ITGA4: variants seen among roughly 807,000 people sequenced by gnomAD.
ITGA4 encodes integrin alpha-4.
A neutral mutation model predicts 133.6 loss-of-function variants in ITGA4; 63 were observed. The ratio of observed to expected loss-of-function variants is 0.47; its 90% CI spans 0.38 to 0.58. The LOEUF (loss-of-function observed/expected upper bound fraction) is 0.58, where lower values mean the gene tolerates loss of function less well. Among genes scored for constraint, ITGA4 ranks in the 20% least tolerant of loss-of-function variants. The pLI, the probability that ITGA4 is intolerant of heterozygous loss-of-function variation, is 0.00. For synonymous variants in ITGA4, 483 were observed against 438.0 expected, an observed-to-expected ratio of 1.10 and a Z score of -1.28; for missense variants, 1,076 against 1,252.7, an observed-to-expected ratio of 0.86 and a Z score of 2.13.
intron 2 of ITGA4, among the ~76,000 whole-genome samples, chr2:181,463,982 C>G (rs960548815): frequency 6.6e-6 from 1 of 152,098 alleles, no homozygotes; most frequent in African/African-American, 2.4e-5. Flanking sequence ...CCATCTCAAA[C>G]TACTAGAATC....
rs1686506454 is a variant in ITGA4 at position 181,511,597 on chromosome 2, TTTTA to T, written c.1846-98_1846-95del. On this transcript the variant is annotated intron_variant, in intron 16 of 27. Coordinates refer to ENST00000397033, the MANE Select transcript of ITGA4 (RefSeq NM_000885.6). ...AAGAGTTGTCAATTTGATGTATCAA[TTTTA>T]TTTTTCTCATGCATCACAGGTGTCG... is the stretch of plus-strand genomic sequence containing the variant. 9 of 618,762 alleles carry T rather than the reference TTTTA, an allele frequency of 1.5e-5. No individual in the cohort carries two copies. The South Asian group carries it at 1.8e-4, about 12-fold the overall frequency. The allele number at this position is 618,762 out of a possible 1,614,324, so 38.3% of individuals were successfully genotyped here.
At position 181,527,358 on chromosome 2, in the gene ITGA4, A is replaced by G. The variant is rs762554889; in HGVS notation, c.2401A>G (p.Met801Val). 26 of 1,612,370 alleles carry G rather than the reference A, an allele frequency of 1.6e-5. No homozygotes were observed. The highest frequency in any genetic ancestry group is 2.1e-5 in the Non-Finnish European group (25 of 1,178,640). ...SNDENEPETC[M>V]VEKMNLTFHV... ...TGATGAAAATGAGCCTGAAACGTGC[A>G]TGGTGGAGAAAATGAACTTAACTTT... Residue 801 changes from methionine to valine, a missense_variant, in exon 22 of 28, where the codon ATG (methionine) becomes GTG (valine). Coordinates refer to ENST00000397033, the MANE Select transcript of ITGA4 (RefSeq NM_000885.6).
At chr2:181,520,635 T>G (rs1012363707) in intron 17 of ITGA4, among the ~76,000 whole-genome samples, 2 of 152,134 alleles carry the variant, frequency 1.3e-5, no homozygotes, top group Non-Finnish European at 2.9e-5. Context: ...GGCAGCCAAT[T>G]TAACCATAGT....
At chr2:181,518,514 G>A (rs1000526852) in intron 17 of ITGA4, among the ~76,000 whole-genome samples, 9 of 151,996 alleles carry the variant, frequency 5.9e-5, no homozygotes, top group Non-Finnish European at 1.3e-4. Context: ...ATTAAATATG[G>A]TAATATGTTA....
At position 181,483,361 on chromosome 2, in the gene ITGA4, A is replaced by C. The variant is rs539463638; in HGVS notation, c.1041+710A>C. On this transcript the variant is annotated intron_variant, in intron 9 of 27. Coordinates refer to ENST00000397033, the MANE Select transcript of ITGA4 (RefSeq NM_000885.6). Reference sequence around the variant, plus strand: ...CAAAACAAAAAATTGGTGGAGTCTTAATGAAATCTTCTTGGCCCGTTCTTT... The same window carrying C: ...CAAAACAAAAAATTGGTGGAGTCTTCATGAAATCTTCTTGGCCCGTTCTTT... Among the ~76,000 whole-genome samples, 50 of 152,324 alleles carry C rather than the reference A, an allele frequency of 3.3e-4. 1 individual carries two copies. In the Middle Eastern group the frequency reaches 0.014, roughly 41 times the overall value.
At chr2:181,533,059 A>ATT (rs1686978065) in intron 25 of ITGA4, among the ~76,000 whole-genome samples, 1 of 152,092 alleles carries the variant, frequency 6.6e-6, no homozygotes, top group South Asian at 2.1e-4. Context: ...AACATATTTA[A>ATT]ATTTTAAAAA....
rs753415830 is a variant in ITGA4, at chr2:181,493,457, A to G, written c.1248+38A>G. The G allele has an allele frequency of 5.6e-6, 7 of 1,254,366 alleles. No individual in the cohort carries two copies. The Middle Eastern group carries it at 5.7e-4, about 101-fold the overall frequency. 77.7% of individuals were successfully genotyped at this position (1,254,366 alleles called of 1,614,324 possible). On this transcript the variant is annotated intron_variant, in intron 11 of 27. Transcript: ENST00000397033. ...TCTATTTCCAAAAGAAGCATTGGTT[A>G]TAATGCATATCCTTAAAACTTCCAG... is the stretch of plus-strand genomic sequence containing the variant.
At chr2:181,484,779 G>C (rs1044135216) in intron 9 of ITGA4, among the ~76,000 whole-genome samples, 1 of 152,188 alleles carries the variant, frequency 6.6e-6, no homozygotes, top group African/African-American at 2.4e-5. Context: ...TACATACAAA[G>C]TGGAAGAAGT....
intron 17 of ITGA4, among the ~76,000 whole-genome samples, chr2:181,517,644 G>C (rs369665804): frequency 1.3e-5 from 2 of 152,020 alleles, no homozygotes; most frequent in East Asian, 3.9e-4. Flanking sequence ...AAGCTGGTAG[G>C]TATCTTTCTG....
Position 181,523,267 on chromosome 2 carries a change from C to G in ITGA4, c.2074-170C>G. ...ACATACATATATACACACATGCACA[C>G]ATATTTATATCATATGTCTATTTAT... On this transcript the variant is annotated intron_variant, in intron 18 of 27. Transcript: ENST00000397033. The surrounding 1 kb of genome is among the most constrained non-coding windows in gnomAD (Gnocchi z 4.2). 4 of 532,854 alleles carry G rather than the reference C, an allele frequency of 7.5e-6. No homozygotes were observed. The highest frequency in any genetic ancestry group is 1.9e-5 in the African/African-American group (1 of 52,286). 33.0% of individuals were successfully genotyped at this position (532,854 alleles called of 1,614,324 possible). A position where few individuals can be genotyped will look rare whatever the true frequency, so the allele number is the denominator to read the frequency against.
chr2:181,513,777 C>T (rs1686552868), intron 17 of ITGA4, among the ~76,000 whole-genome samples: 3 of 152,150 alleles, frequency 2.0e-5, no homozygotes, highest in Admixed American at 6.5e-5. Flanking sequence ...CTTCTTCTGC[C>T]CATCTACCTG....
Position 181,538,171 on chromosome 2 carries a change from A to G in ITGA4, c.*2644A>G. The stretch of plus-strand genomic sequence containing the variant: ...ATTCTAGTTTGTACATTTCTTTTAG[A>G]AACAATTACATGTTACTTTGGAATC... On this transcript the variant is annotated 3_prime_UTR_variant, in exon 28 of 28. Transcript: ENST00000397033. The G allele has an allele frequency of 6.5e-7, 1 of 1,527,896 alleles. No individual in the cohort carries two copies. The highest frequency in any genetic ancestry group is 1.4e-5 in the African/African-American group (1 of 73,294). 94.6% of individuals were successfully genotyped at this position (1,527,896 alleles called of 1,614,324 possible). A position where few individuals can be genotyped will look rare whatever the true frequency, so the allele number is the denominator to read the frequency against.
At chr2:181,464,473 G>A (rs1262287810) in intron 2 of ITGA4, among the ~76,000 whole-genome samples, 1 of 152,058 alleles carries the variant, frequency 6.6e-6, no homozygotes, top group African/African-American at 2.4e-5. Context: ...GAGATGATGG[G>A]AGAGACAGGT....
At chr2:181,524,325 A>G in intron 20 of ITGA4, 75 bp downstream of exon 20, 1 of 804,120 alleles carries the variant, frequency 1.2e-6, no homozygotes, top group South Asian at 1.9e-5. Flanking sequence ...GGAGAACCGT[A>G]AAACTGTGTT....
chr2:181,495,432 T>G lies in ITGA4; in HGVS notation c.1385+16T>G. ...TCTTGCTAAGGTAAGACTGATATAT[T>G]TCACTGCTTAATTGCAATTTGGTTT... On this transcript the variant is annotated intron_variant, in intron 13 of 27. Coordinates refer to ENST00000397033, the MANE Select transcript of ITGA4 (RefSeq NM_000885.6). The surrounding 1 kb of genome is among the most constrained non-coding windows in gnomAD (Gnocchi z 4.3). 1 of 1,587,256 alleles carries G rather than the reference T, an allele frequency of 6.3e-7. No homozygotes were observed. Among genetic ancestry groups the G allele is most frequent in the South Asian group, 1.1e-5 (1 of 90,478 alleles).
intron 17 of ITGA4, among the ~76,000 whole-genome samples, chr2:181,521,912 G>C (rs1559055080): frequency 6.6e-6 from 1 of 152,130 alleles, no homozygotes; most frequent in Non-Finnish European, 1.5e-5. Context: ...AGAAGCAAGA[G>C]GTTATGCAGA....
intron 4 of ITGA4, among the ~76,000 whole-genome samples, 162 bp downstream of exon 4, chr2:181,475,450 A>T (rs534155766): frequency 7.0e-4 from 106 of 152,318 alleles, no homozygotes; most frequent in Non-Finnish European, 1.3e-3. Context: ...CAATTGCAAT[A>T]GCATTATTTT....
intron 22 of ITGA4, among the ~76,000 whole-genome samples, chr2:181,528,030 C>G (rs1686870030): frequency 6.6e-6 from 1 of 151,732 alleles, no homozygotes; most frequent in Non-Finnish European, 1.5e-5. Context: ...AATATAATTT[C>G]CAAAAAAAAA....
chr2:181,514,559 A>C (rs1314590304), intron 17 of ITGA4, among the ~76,000 whole-genome samples: 1 of 152,064 alleles, frequency 6.6e-6, no homozygotes, highest in Non-Finnish European at 1.5e-5. Flanking sequence ...TTAGTTGAAT[A>C]ACTTATAATC....
Sources: allele counts gnomAD v4.1 joint callset (sites outside exome capture counted in the v4.1 genomes callset), GRCh38; gene constraint gnomAD v4.1.1; non-coding constraint Gnocchi (gnomAD v3.1); transcripts MANE v1.5; gene names NCBI Gene and HGNC (gene_info 2026-07-23, HGNC 2026-07-21).